The following MDN1 variants were observed in gnomAD, a reference collection of about 807,000 sequenced individuals.
MDN1 encodes the protein midasin AAA ATPase 1, also known as midasin.
A neutral mutation model predicts 669.2 loss-of-function variants in MDN1; 266 were observed. That is an observed-to-expected ratio of 0.40 (90% CI 0.36 to 0.44). MDN1 has a LOEUF of 0.44. Among genes scored for constraint, MDN1 ranks in the 20% least tolerant of loss-of-function variants. MDN1 has a pLI of 1.00. For missense variants in MDN1, 5,940 were observed against 6,754.0 expected (o/e 0.88, Z 4.22); for synonymous variants, 2,385 against 2,457.1 (o/e 0.97, Z 0.87).
At chr6:89,687,249 G>T in intron 68 of MDN1, 95 bp downstream of exon 68, 2 of 1,246,950 alleles carry the variant, frequency 1.6e-6, no homozygotes, top group Non-Finnish European at 2.3e-6. Context: ...ACATTCTGTA[G>T]CTGTAATACT....
Position 89,661,708 on chromosome 6 carries a change from C to G in MDN1, c.14566-130G>C, listed in dbSNP as rs1010944836. On this transcript the variant is annotated intron_variant, in intron 87 of 101. Coordinates refer to ENST00000369393, the MANE Select transcript of MDN1 (RefSeq NM_014611.3). ...CACAATATCTATTCCCTAAAATTAT[C>G]TGCACACATTAGTATTTTATTTTTA... 5.6e-6 allele frequency: 5 copies of G among 895,418 alleles called. No individual in the cohort carries two copies. The African/African-American group carries it at 8.5e-5, about 15-fold the overall frequency. The allele number at this position is 895,418 out of a possible 1,614,324, so 55.5% of individuals were successfully genotyped here.
rs1484757645 is a variant in MDN1 at position 89,658,381 on chromosome 6, G to A, written c.15022-11C>T. 4 of 1,613,948 alleles carry A rather than the reference G, an allele frequency of 2.5e-6. No individual in the cohort carries two copies. The highest frequency in any genetic ancestry group is 3.4e-6 in the Non-Finnish European group (4 of 1,180,026). On this transcript the variant is annotated splice_polypyrimidine_tract_variant and intron_variant, in intron 89 of 101. Coordinates refer to ENST00000369393, the MANE Select transcript of MDN1 (RefSeq NM_014611.3). ...CCGTTCTTCTTCCTCCTTCGGCAGAGAAATCAAACACAGCATTAAATGCTC... is the reference window on the plus strand; with the variant it reads ...CCGTTCTTCTTCCTCCTTCGGCAGAAAAATCAAACACAGCATTAAATGCTC...
intron 1 of MDN1, 59 bp from the exon 2 acceptor site, chr6:89,803,613 G>C: frequency 8.0e-7 from 1 of 1,245,546 alleles, no homozygotes; most frequent in Non-Finnish European, 1.1e-6. Context: ...ACACAGTCTC[G>C]CTCTGTCGCC....
chr6:89,700,364 C>T, intron 56 of MDN1, 70 bp from the exon 57 acceptor site: 1 of 1,232,514 alleles, frequency 8.1e-7, no homozygotes, highest in South Asian at 1.3e-5. Context: ...TCTCAACAAC[C>T]TGCTATGTGA....
chr6:89,723,969 C>T (rs932478885), intron 38 of MDN1, among the ~76,000 whole-genome samples: 2 of 151,986 alleles, frequency 1.3e-5, no homozygotes, highest in African/African-American at 2.4e-5. Flanking sequence ...ATGACGAAAC[C>T]CTGTCTTCAC....
chr6:89,817,105 G>C (rs1049638133), intron 1 of MDN1, among the ~76,000 whole-genome samples: 5 of 152,050 alleles, frequency 3.3e-5, no homozygotes, highest in African/African-American at 1.2e-4. Context: ...CTCACCCTTC[G>C]AGTTGTCCCA....
chr6:89,784,696 G>C (rs555467658), intron 9 of MDN1, among the ~76,000 whole-genome samples: 1 of 152,310 alleles, frequency 6.6e-6, no homozygotes, highest in Non-Finnish European at 1.5e-5. Flanking sequence ...ATCCTCTGTA[G>C]ACAACTGGGA....
chr6:89,726,319 T>C (rs1222769589), intron 37 of MDN1, among the ~76,000 whole-genome samples: 4 of 151,804 alleles, frequency 2.6e-5, no homozygotes, highest in African/African-American at 7.2e-5. Flanking sequence ...AACTTAGACA[T>C]TGTGGTGCAT....
intron 57 of MDN1, 70 bp downstream of exon 57, chr6:89,699,993 G>C: frequency 7.2e-7 from 1 of 1,388,276 alleles, no homozygotes; most frequent in Admixed American, 1.9e-5. Flanking sequence ...GTTTGTTTAT[G>C]GGTATAGGAT....
chr6:89,683,002 C>G, intron 73 of MDN1, 130 bp downstream of exon 73: 1 of 909,614 alleles, frequency 1.1e-6, no homozygotes, highest in Non-Finnish European at 1.6e-6. Context: ...CAAATACATG[C>G]TATATATGTC....
chr6:89,798,495 T>A (rs1819734266), intron 2 of MDN1, among the ~76,000 whole-genome samples: 1 of 150,628 alleles, frequency 6.6e-6, no homozygotes, highest in African/African-American at 2.4e-5. Flanking sequence ...AGAGTGAAAC[T>A]CCATCTCAAA....
intron 75 of MDN1, 70 bp from the exon 76 acceptor site, chr6:89,677,766 G>A: frequency 6.3e-7 from 1 of 1,596,442 alleles, no homozygotes; most frequent in Non-Finnish European, 8.6e-7. Flanking sequence ...CCTCTCCCCT[G>A]CTACTCAAAG....
At chr6:89,793,981 T>C in intron 4 of MDN1, 27 bp from the exon 5 acceptor site, 1 of 1,573,540 alleles carries the variant, frequency 6.4e-7, no homozygotes, top group South Asian at 1.1e-5. Context: ...TCTCGTCAAT[T>C]ACCTTACCAC....
At chr6:89,687,542 C>T (rs1221111181) in intron 67 of MDN1, 104 bp from the exon 68 acceptor site, 5 of 864,622 alleles carry the variant, frequency 5.8e-6, no homozygotes, top group Non-Finnish European at 9.1e-6. Flanking sequence ...ACTACTGGGC[C>T]CTTAAACAAC....
intron 66 of MDN1, 118 bp from the exon 67 acceptor site, chr6:89,688,291 TG>T: frequency 1.1e-6 from 1 of 937,202 alleles, no homozygotes. Flanking sequence ...AAAACACCTC[TG>T]AAAAAAAAAA....
At chr6:89,756,636 A>G (rs1186766036) in intron 19 of MDN1, among the ~76,000 whole-genome samples, 2 of 152,206 alleles carry the variant, frequency 1.3e-5, no homozygotes, top group Admixed American at 1.3e-4. Context: ...AGAAAAAGAT[A>G]CAAAAGCCGG....
chr6:89,759,760 G>A (rs1018959241), intron 17 of MDN1, among the ~76,000 whole-genome samples: 3 of 145,732 alleles, frequency 2.1e-5, no homozygotes, highest in Non-Finnish European at 4.5e-5. Flanking sequence ...GCAAAACTCC[G>A]TCTCAAAAAC....
At chr6:89,696,221 A>C (rs1812727020) in intron 60 of MDN1, 139 bp downstream of exon 60, 1 of 1,091,640 alleles carries the variant, frequency 9.2e-7, no homozygotes, top group Non-Finnish European at 1.3e-6. Context: ...GCCTGAAAAC[A>C]TGCTGATTCA....
intron 15 of MDN1, among the ~76,000 whole-genome samples, chr6:89,763,644 T>C (rs1322228910): frequency 2.0e-5 from 3 of 152,196 alleles, no homozygotes; most frequent in African/African-American, 7.2e-5. Flanking sequence ...AGATAAATCT[T>C]ATTTTCATGA....
Sources: gnomAD v4.1 joint callset for allele counts (sites outside exome capture counted in the v4.1 genomes callset) on GRCh38, gnomAD v4.1.1 for gene constraint, MANE v1.5 for transcripts, NCBI Gene and HGNC (gene_info 2026-07-23, HGNC 2026-07-21) for gene names.